The following AGBL1 variants were observed in gnomAD, a reference collection of about 807,000 sequenced individuals.
AGBL1 encodes AGBL carboxypeptidase 1.
In AGBL1, 130 loss-of-function variants were observed where a neutral mutation model predicts 118.9. The observed-to-expected ratio is 1.09, with a 90% CI of 0.95 to 1.26. The LOEUF is 1.26. Among genes scored for constraint, AGBL1 ranks in the 50% most tolerant of loss-of-function variants. The pLI is 0.00. For missense variants in AGBL1, 1,584 were observed against 1,298.1 expected (o/e 1.22, Z -3.38); for synonymous variants, 555 against 478.9 (o/e 1.16, Z -2.08).
chr15:86,781,104 T>C (rs1360741818), intron 22 of AGBL1, among the ~76,000 whole-genome samples: 1 of 152,244 alleles, frequency 6.6e-6, no homozygotes, highest in African/African-American at 2.4e-5. Flanking sequence ...TATTTATTTG[T>C]TAATTCTGTA....
intron 21 of AGBL1, among the ~76,000 whole-genome samples, chr15:86,622,456 G>C (rs2084825300): frequency 1.3e-5 from 2 of 151,988 alleles, no homozygotes; most frequent in Admixed American, 6.5e-5. Flanking sequence ...CCAGTGACCA[G>C]TCATCATGGA....
chr15:86,473,555 GT>G (rs200546908), intron 18 of AGBL1, among the ~76,000 whole-genome samples: 5 of 148,604 alleles, frequency 3.4e-5, no homozygotes, highest in East Asian at 1.9e-4. Context: ...TTTTCTATTT[GT>G]TTTTTTTAAA....
chr15:86,606,319 G>T (rs2084577168), intron 21 of AGBL1, among the ~76,000 whole-genome samples: 1 of 152,010 alleles, frequency 6.6e-6, no homozygotes, highest in Non-Finnish European at 1.5e-5. Flanking sequence ...GAGCTCCCTG[G>T]TAAATTTGGC....
intron 21 of AGBL1, 150 bp downstream of exon 21, chr15:86,554,687 T>G: frequency 2.7e-6 from 2 of 748,310 alleles, no homozygotes; most frequent in Non-Finnish European, 3.8e-6. Flanking sequence ...GGTTCAACAA[T>G]TGCTTTCACC....
chr15:86,570,577 G>T (rs576393459), intron 21 of AGBL1, among the ~76,000 whole-genome samples: 2 of 152,316 alleles, frequency 1.3e-5, no homozygotes, highest in East Asian at 1.9e-4. Flanking sequence ...TGGTGTCCAT[G>T]AGTGTTAATA....
chr15:86,700,435 G>A (rs1425500643), intron 22 of AGBL1, among the ~76,000 whole-genome samples: 1 of 149,556 alleles, frequency 6.7e-6, no homozygotes, highest in Admixed American at 6.7e-5. Context: ...CAAGATGTAG[G>A]TGTTGTTCAT....
rs934294089 is a variant in AGBL1, at chr15:86,655,413, T to A, written c.2995-18860T>A. 7.2e-5 allele frequency among the ~76,000 whole-genome samples: 11 copies of A among 152,216 alleles called. 1 individual carries two copies. The highest frequency in any genetic ancestry group is 5.9e-4 in the Admixed American group (9 of 15,272). The stretch of plus-strand genomic sequence containing the variant: ...ACTAGTAAATATTTGGTAGAAAATA[T>A]GTAAACATATAAATAACACTATTGA... On this transcript the variant is annotated intron_variant, in intron 21 of 22. Coordinates refer to ENST00000614907, the MANE Select transcript of AGBL1 (RefSeq NM_001386094.1).
At chr15:86,867,308 A>G (rs912244621) in intron 22 of AGBL1, among the ~76,000 whole-genome samples, 11 of 152,112 alleles carry the variant, frequency 7.2e-5, no homozygotes, top group African/African-American at 2.7e-4. Flanking sequence ...ATGTGCTGGT[A>G]CTTCAATTTT....
At chr15:86,466,529 C>T (rs918284183) in intron 18 of AGBL1, among the ~76,000 whole-genome samples, 3 of 152,194 alleles carry the variant, frequency 2.0e-5, no homozygotes, top group African/African-American at 4.8e-5. Context: ...CAGTTTTGTT[C>T]CCTTGCTGGC....
intron 18 of AGBL1, among the ~76,000 whole-genome samples, chr15:86,403,933 T>C (rs564300885): frequency 1.3e-4 from 20 of 152,282 alleles, no homozygotes; most frequent in Non-Finnish European, 2.6e-4. Flanking sequence ...CACAATTACA[T>C]AGCTAGTTCA....
chr15:86,193,050 A>G (rs1231522125), intron 5 of AGBL1, among the ~76,000 whole-genome samples: 1 of 152,168 alleles, frequency 6.6e-6, no homozygotes, highest in Admixed American at 6.5e-5. Context: ...TTTTAGAAAA[A>G]TAAATATAAC....
intron 24 of AGBL1, among the ~76,000 whole-genome samples, chr15:87,006,497 C>T (rs778703555): frequency 5.3e-5 from 8 of 152,166 alleles, no homozygotes; most frequent in Admixed American, 2.0e-4. Flanking sequence ...GAGCCAGGCA[C>T]GGGGTATAAT....
intron 23 of AGBL1, among the ~76,000 whole-genome samples, chr15:86,951,017 A>G (rs1254936040): frequency 6.6e-6 from 1 of 152,238 alleles, no homozygotes; most frequent in East Asian, 1.9e-4. Flanking sequence ...TCAAATGCAG[A>G]GTTCTACAAA....
At chr15:86,486,857 C>T (rs937230156) in intron 18 of AGBL1, among the ~76,000 whole-genome samples, 4 of 151,924 alleles carry the variant, frequency 2.6e-5, no homozygotes, top group African/African-American at 9.7e-5. Flanking sequence ...CACTTTTATT[C>T]GACTTGGACC....
chr15:86,570,028 G>A (rs1434255138), intron 21 of AGBL1, among the ~76,000 whole-genome samples: 2 of 152,188 alleles, frequency 1.3e-5, no homozygotes, highest in Non-Finnish European at 2.9e-5. Flanking sequence ...ATCAAAGAAA[G>A]CATTGACTTA....
intron 18 of AGBL1, among the ~76,000 whole-genome samples, chr15:86,446,331 A>G (rs1038778490): frequency 6.6e-6 from 1 of 152,224 alleles, no homozygotes. Context: ...TTCCCTCTCC[A>G]GACGCACTGC....
chr15:86,202,969 A>C (rs2077931388), intron 5 of AGBL1, among the ~76,000 whole-genome samples: 1 of 152,186 alleles, frequency 6.6e-6, no homozygotes, highest in Admixed American at 6.5e-5. Flanking sequence ...CTGTAATTCT[A>C]GCTACTTGAG....
chr15:86,894,733 C>T (rs985282805), intron 22 of AGBL1, among the ~76,000 whole-genome samples: 5 of 152,210 alleles, frequency 3.3e-5, no homozygotes, highest in African/African-American at 7.2e-5. Flanking sequence ...CTTCTTACCA[C>T]TGCCAGTCAT....
At chr15:86,594,198 A>C (rs1398902309) in intron 21 of AGBL1, among the ~76,000 whole-genome samples, 1 of 152,188 alleles carries the variant, frequency 6.6e-6, no homozygotes, top group South Asian at 2.1e-4. Flanking sequence ...GGAGTGAGCC[A>C]CTGCGTCTAG....
Sources: gnomAD v4.1 joint callset for allele counts (sites outside exome capture counted in the v4.1 genomes callset) on GRCh38, gnomAD v4.1.1 for gene constraint, MANE v1.5 for transcripts, NCBI Gene and HGNC (gene_info 2026-07-23, HGNC 2026-07-21) for gene names.